The following RBFOX1 variants were observed in gnomAD, a reference collection of about 807,000 sequenced individuals.
RBFOX1 encodes RNA binding protein fox-1 homolog 1.
In RBFOX1, 8 loss-of-function variants were observed where a neutral mutation model predicts 57.7. The observed-to-expected ratio is 0.14, with a 90% CI of 0.08 to 0.25. The LOEUF is 0.25. Among genes scored for constraint, RBFOX1 ranks in the 10% least tolerant of loss-of-function variants. The pLI is 1.00. For missense variants in RBFOX1, 611 were observed against 548.5 expected (o/e 1.11, Z -1.14); for synonymous variants, 326 against 222.4 (o/e 1.47, Z -4.15).
At chr16:6,157,353 C>G (rs4786827) in intron 1 of RBFOX1, among the ~76,000 whole-genome samples, 58,110 of 151,924 alleles carry the variant, frequency 0.38, 12,987 homozygotes, top group Non-Finnish European at 0.5. Context: ...GGATGCCCAG[C>G]TAAATTTGAA....
chr16:5,923,859 G>C (rs8059777), intron 4 of RBFOX1, among the ~76,000 whole-genome samples: 94,208 of 151,942 alleles, frequency 0.62, 29,579 homozygotes, highest in East Asian at 0.75. Context: ...CAGTTTTTAG[G>C]CATCATGACT....
chr16:5,956,183 C>T (rs769034714), intron 4 of RBFOX1, among the ~76,000 whole-genome samples: 11 of 151,984 alleles, frequency 7.2e-5, no homozygotes, highest in South Asian at 4.2e-4. Flanking sequence ...GGGTGAGGCA[C>T]GAGGATTGCT....
At chr16:5,551,796 C>A (rs553709637) in intron 2 of RBFOX1, among the ~76,000 whole-genome samples, 75 of 151,858 alleles carry the variant, frequency 4.9e-4, no homozygotes, top group African/African-American at 1.8e-3. Context: ...CCTCCGCCCC[C>A]CACCCCCCGA....
chr16:5,527,989 C>G (rs953176790), intron 2 of RBFOX1, among the ~76,000 whole-genome samples: 2 of 152,126 alleles, frequency 1.3e-5, no homozygotes, highest in Non-Finnish European at 1.5e-5. Context: ...TAAACAGCCC[C>G]TCAGAGCACC....
intron 4 of RBFOX1, among the ~76,000 whole-genome samples, chr16:7,350,758 A>T (rs2097114166): frequency 6.6e-6 from 1 of 152,070 alleles, no homozygotes; most frequent in Non-Finnish European, 1.5e-5. Context: ...CGTTTCAGGG[A>T]TGTGGGGTAA....
At chr16:6,015,578 C>T (rs950409677), upstream of RBFOX1, among the ~76,000 whole-genome samples, 2 of 152,180 alleles carry the variant, frequency 1.3e-5, no homozygotes, top group African/African-American at 4.8e-5. Context: ...CACCATTGTC[C>T]AGCCCCTTAA....
chr16:6,908,074 A>G (rs551698736), intron 3 of RBFOX1, among the ~76,000 whole-genome samples: 1 of 151,846 alleles, frequency 6.6e-6, no homozygotes, highest in South Asian at 2.1e-4. Context: ...CAGAGACCCC[A>G]TTTCCAATAA....
chr16:6,106,336 C>G (rs962682837), intron 1 of RBFOX1, among the ~76,000 whole-genome samples: 21 of 151,716 alleles, frequency 1.4e-4, no homozygotes, highest in Admixed American at 5.9e-4. Flanking sequence ...TGACAGGTGT[C>G]TGTAATATCA....
At chr16:5,692,966 A>G (rs1465962981) in intron 3 of RBFOX1, among the ~76,000 whole-genome samples, 2 of 152,216 alleles carry the variant, frequency 1.3e-5, no homozygotes, top group Non-Finnish European at 2.9e-5. Flanking sequence ...CGGCTTTGCA[A>G]ACATCTGGAC....
intron 1 of RBFOX1, among the ~76,000 whole-genome samples, chr16:6,139,209 C>T (rs2096693038): frequency 6.6e-6 from 1 of 152,148 alleles, no homozygotes; most frequent in East Asian, 1.9e-4. Flanking sequence ...AGGACATCCC[C>T]TCTCTGCCCA....
intron 2 of RBFOX1, among the ~76,000 whole-genome samples, chr16:5,551,237 C>T (rs951933279): frequency 6.6e-6 from 1 of 152,182 alleles, no homozygotes; most frequent in Non-Finnish European, 1.5e-5. Flanking sequence ...CCCCATCCTC[C>T]CAGGCTGAAT....
chr16:5,545,956 C>A (rs56747990), intron 2 of RBFOX1, among the ~76,000 whole-genome samples: 8,832 of 151,638 alleles, frequency 0.058, 265 homozygotes, highest in East Asian at 0.1. Context: ...TTTTGCTGAA[C>A]AACTATGAAT....
At chr16:6,182,650 T>C (rs963858619) in intron 1 of RBFOX1, among the ~76,000 whole-genome samples, 1 of 152,218 alleles carries the variant, frequency 6.6e-6, no homozygotes, top group Non-Finnish European at 1.5e-5. Context: ...CACATTGTGA[T>C]TTTAAATATG....
intron 13 of RBFOX1, among the ~76,000 whole-genome samples, chr16:7,666,500 A>G (rs2069328944): frequency 6.6e-6 from 1 of 152,154 alleles, no homozygotes; most frequent in Admixed American, 6.5e-5. Context: ...AATTTATTGA[A>G]TCATTAATGT....
At chr16:6,336,554 G>C (rs1331097498) in intron 2 of RBFOX1, among the ~76,000 whole-genome samples, 1 of 152,112 alleles carries the variant, frequency 6.6e-6, no homozygotes, top group Admixed American at 6.5e-5. Context: ...TTATAATCTA[G>C]AGAGGGCTGG....
intron 3 of RBFOX1, among the ~76,000 whole-genome samples, chr16:6,702,409 C>T (rs929381861): frequency 1.3e-5 from 2 of 152,126 alleles, no homozygotes; most frequent in East Asian, 1.9e-4. Context: ...CAAAAATCTG[C>T]CTGGCGTGCT....
chr16:5,876,031 G>C (rs989813179), intron 4 of RBFOX1, among the ~76,000 whole-genome samples: 4 of 152,070 alleles, frequency 2.6e-5, no homozygotes, highest in African/African-American at 9.7e-5. Context: ...TTTTAGTAGA[G>C]AAGGGGTTTC....
At chr16:6,345,559 G>A (rs1008498134) in intron 2 of RBFOX1, among the ~76,000 whole-genome samples, 10 of 152,146 alleles carry the variant, frequency 6.6e-5, no homozygotes, top group African/African-American at 9.7e-5. Context: ...TCCAGAGTCA[G>A]TTGCCACCTC....
chr16:7,648,064 C>G (rs1345090455), intron 11 of RBFOX1, among the ~76,000 whole-genome samples: 9 of 152,118 alleles, frequency 5.9e-5, no homozygotes, highest in Non-Finnish European at 1.2e-4. Context: ...ATAAAAGCAT[C>G]CATTCTTCCA....
Sources: gnomAD v4.1 joint callset for allele counts (sites outside exome capture counted in the v4.1 genomes callset) on GRCh38, gnomAD v4.1.1 for gene constraint, MANE v1.5 for transcripts, NCBI Gene and HGNC (gene_info 2026-07-23, HGNC 2026-07-21) for gene names.